Variants in SIPA1L3 observed in about 807,000 individuals in gnomAD.
SIPA1L3 encodes signal-induced proliferation-associated 1-like protein 3.
Under a neutral mutation model 150.1 loss-of-function variants are expected in SIPA1L3, and 59 were observed. The ratio of observed to expected loss-of-function variants is 0.39; its 90% CI spans 0.32 to 0.49. The LOEUF is 0.49. Among genes scored for constraint, SIPA1L3 ranks in the 20% least tolerant of loss-of-function variants. The probability of loss-of-function intolerance (pLI) is 0.86; values close to 1 mark genes in which losing one functional copy is unlikely to be tolerated. For missense variants in SIPA1L3, 2,211 were observed against 2,489.5 expected (o/e 0.89, Z 2.38); for synonymous variants, 1,070 against 1,077.6 (o/e 0.99, Z 0.14).
intron 1 of SIPA1L3, among the ~76,000 whole-genome samples, chr19:38,017,691 T>G (rs1305784257): frequency 1.3e-5 from 2 of 151,884 alleles, no homozygotes; most frequent in Non-Finnish European, 2.9e-5. Context: ...GCCTGGCTGA[T>G]TTTTTTTATT....
intron 1 of SIPA1L3, among the ~76,000 whole-genome samples, chr19:37,949,551 G>A (rs1309686314): frequency 3.3e-5 from 5 of 152,076 alleles, no homozygotes; most frequent in African/African-American, 7.2e-5. Flanking sequence ...TGTAATCCCA[G>A]CTATTCCGGA....
At chr19:37,930,086 G>A (rs1418046148) in intron 1 of SIPA1L3, among the ~76,000 whole-genome samples, 12 of 147,832 alleles carry the variant, frequency 8.1e-5, no homozygotes, top group East Asian at 6.1e-4. Flanking sequence ...GTGCAGTGGC[G>A]CGATCTCGGC....
chr19:37,927,776 TAGAAGTA>T (rs1465619463), intron 1 of SIPA1L3, among the ~76,000 whole-genome samples: 1 of 151,850 alleles, frequency 6.6e-6, no homozygotes, highest in Non-Finnish European at 1.5e-5. Flanking sequence ...GCATCCCACT[TAGAAGTA>T]AGAACATTGG....
chr19:38,171,443 A>G (rs2145999168), intron 15 of SIPA1L3, among the ~76,000 whole-genome samples: 1 of 133,838 alleles, frequency 7.5e-6, no homozygotes, highest in East Asian at 2.2e-4. Flanking sequence ...CCCAGGCTGC[A>G]GTGCAATGGC....
intron 19 of SIPA1L3, 147 bp from the exon 20 acceptor site, chr19:38,201,715 G>T (rs1973090847): frequency 1.2e-6 from 1 of 821,014 alleles, no homozygotes. Flanking sequence ...TTGGTTTTTT[G>T]GCAAGAATCT....
At chr19:38,088,196 A>G (rs942624123) in intron 3 of SIPA1L3, among the ~76,000 whole-genome samples, 3 of 152,220 alleles carry the variant, frequency 2.0e-5, no homozygotes, top group Non-Finnish European at 4.4e-5. Context: ...GTCCACCTTT[A>G]ACTTTACGGC....
intron 1 of SIPA1L3, among the ~76,000 whole-genome samples, chr19:37,944,579 A>G (rs1439096438): frequency 1.3e-5 from 2 of 152,216 alleles, no homozygotes; most frequent in Admixed American, 6.5e-5. Flanking sequence ...ATTAATATGT[A>G]AAAGAATAGT....
intron 1 of SIPA1L3, among the ~76,000 whole-genome samples, chr19:37,913,631 G>C (rs1365543894): frequency 3.3e-5 from 5 of 151,898 alleles, no homozygotes; most frequent in African/African-American, 1.2e-4. Context: ...CCTGACCTCA[G>C]GTGATCTGCC....
intron 18 of SIPA1L3, among the ~76,000 whole-genome samples, chr19:38,194,532 G>T (rs1011106910): frequency 8.5e-5 from 13 of 152,184 alleles, no homozygotes; most frequent in African/African-American, 3.1e-4. Flanking sequence ...TGCGCGTGGG[G>T]TGCCCCTGAC....
At chr19:38,201,110 C>T (rs1204983391) in intron 19 of SIPA1L3, among the ~76,000 whole-genome samples, 2 of 152,362 alleles carry the variant, frequency 1.3e-5, no homozygotes, top group East Asian at 3.9e-4. Context: ...CCGCCCTCAA[C>T]ACACGGCACA....
intron 5 of SIPA1L3, among the ~76,000 whole-genome samples, chr19:38,100,806 C>T (rs1407815968): frequency 6.6e-6 from 1 of 152,256 alleles, no homozygotes; most frequent in East Asian, 1.9e-4. Flanking sequence ...CCGTCCTCCA[C>T]CCGCCATAGC....
intron 1 of SIPA1L3, among the ~76,000 whole-genome samples, chr19:37,982,671 G>A (rs899717741): frequency 6.6e-6 from 1 of 152,202 alleles, no homozygotes; most frequent in Admixed American, 6.5e-5. Context: ...CCACATGCAC[G>A]TCTTCAGAGC....
intron 15 of SIPA1L3, among the ~76,000 whole-genome samples, chr19:38,175,654 G>A (rs962564862): frequency 5.3e-5 from 8 of 152,122 alleles, no homozygotes; most frequent in East Asian, 1.9e-4. Context: ...GCAGCTCCGC[G>A]GTTCCTCCTC....
chr19:37,933,340 T>A (rs1049016969), intron 1 of SIPA1L3, among the ~76,000 whole-genome samples: 1 of 152,076 alleles, frequency 6.6e-6, no homozygotes. Flanking sequence ...TCTGTTCAGA[T>A]GTCACCTTCT....
Position 38,141,316 on chromosome 19 carries a change from T to A in SIPA1L3, c.3276T>A (p.Ser1092=). The change falls in exon 11 of 22, where the codon TCT becomes TCA. Residue 1092 remains serine (S), a synonymous_variant. Transcript: ENST00000222345. ...WQWSGPASHN[S]LPASKWATPT... Reference sequence around the variant, plus strand: ...GGAGCGGGCCCGCATCCCATAACTCTCTACCAGCCTCCAAGTGGGCCACTC... The same window carrying A: ...GGAGCGGGCCCGCATCCCATAACTCACTACCAGCCTCCAAGTGGGCCACTC... The A allele has an allele frequency of 6.2e-7, 1 of 1,613,728 alleles. No homozygotes were observed. The highest frequency in any genetic ancestry group is 8.5e-7 in the Non-Finnish European group (1 of 1,179,914).
intron 1 of SIPA1L3, among the ~76,000 whole-genome samples, chr19:37,953,414 GT>G (rs1177313556): frequency 6.6e-6 from 1 of 152,194 alleles, no homozygotes; most frequent in Non-Finnish European, 1.5e-5. Flanking sequence ...GCTGGATAGA[GT>G]TCATGACCAA....
chr19:37,983,518 G>A (rs1389675076), intron 1 of SIPA1L3, among the ~76,000 whole-genome samples: 1 of 152,124 alleles, frequency 6.6e-6, no homozygotes, highest in Non-Finnish European at 1.5e-5. Flanking sequence ...AAGAGTAACC[G>A]AGTCTTAGCC....
intron 1 of SIPA1L3, among the ~76,000 whole-genome samples, chr19:37,977,658 G>A (rs1193996367): frequency 1.5e-5 from 2 of 136,324 alleles, no homozygotes; most frequent in Admixed American, 7.2e-5. Flanking sequence ...GTCACCAGAA[G>A]TTGGGGCAGA....
chr19:37,991,707 A>G (rs1177136061), intron 1 of SIPA1L3, among the ~76,000 whole-genome samples: 1 of 152,190 alleles, frequency 6.6e-6, no homozygotes, highest in African/African-American at 2.4e-5. Flanking sequence ...CTTTCACTCA[A>G]GACAGCCCTG....
Sources: gnomAD v4.1 joint callset for allele counts (sites outside exome capture counted in the v4.1 genomes callset) on GRCh38, gnomAD v4.1.1 for gene constraint, MANE v1.5 for transcripts, NCBI Gene and HGNC (gene_info 2026-07-23, HGNC 2026-07-21) for gene names.